Variants in TNKS observed in about 807,000 individuals in gnomAD.
TNKS encodes the protein poly [ADP-ribose] polymerase tankyrase-1.
In TNKS, 72 loss-of-function variants were observed where a neutral mutation model predicts 135.8. The ratio of observed to expected loss-of-function variants is 0.53; its 90% CI spans 0.44 to 0.64. TNKS has a LOEUF of 0.64. Among genes scored for constraint, TNKS ranks in the 30% least tolerant of loss-of-function variants. The probability of loss-of-function intolerance (pLI) is 0.00; values close to 1 mark genes in which losing one functional copy is unlikely to be tolerated. For missense variants in TNKS, 1,769 were observed against 1,674.0 expected (o/e 1.06, Z -0.99); for synonymous variants, 849 against 649.3 (o/e 1.31, Z -4.68).
In TNKS at chr8:9,555,993, C is replaced by G. The variant is rs755978151; in HGVS notation, c.54C>G (p.Leu18=). ...QHHHHHHQQQ[L]QPAPGASAPP... ...ATCACCACCATCATCAACAACAGCTCCAGCCCGCCCCAGGGGCTTCAGCGC... is the reference window on the plus strand; with the variant it reads ...ATCACCACCATCATCAACAACAGCTGCAGCCCGCCCCAGGGGCTTCAGCGC... The change falls in exon 1 of 27, where the codon CTC becomes CTG. Residue 18 remains leucine, a synonymous_variant. Transcript: ENST00000310430. 6 of 1,613,412 alleles carry G rather than the reference C, an allele frequency of 3.7e-6. No individual in the cohort carries two copies. The highest frequency in any genetic ancestry group is 3.3e-5 in the South Asian group (3 of 91,056).
chr8:9,768,999 A>G lies in TNKS; in HGVS notation c.3741-1107A>G, dbSNP rs533996878. Among the ~76,000 whole-genome samples, 3 of 152,368 alleles carry G rather than the reference A, an allele frequency of 2.0e-5. No individual in the cohort carries two copies. In the South Asian group the frequency reaches 6.2e-4, roughly 32 times the overall value. ...ACTAAAAACAATTTGACTGAATTGT[A>G]ACTGTTTACATTTAACAGTGTGATC... On this transcript the variant is annotated intron_variant, in intron 25 of 26. Transcript: ENST00000310430.
chr8:9,588,573 G>A (rs888879731), intron 2 of TNKS, among the ~76,000 whole-genome samples: 2 of 152,178 alleles, frequency 1.3e-5, no homozygotes, highest in African/African-American at 2.4e-5. Flanking sequence ...GCCGCGCCCG[G>A]CCCCAAATTG....
In TNKS at chr8:9,615,627, G is replaced by T. The variant is rs781467174; in HGVS notation, c.944G>T (p.Gly315Val). 1.9e-6 allele frequency: 3 copies of T among 1,613,638 alleles called. No individual in the cohort carries two copies. Among genetic ancestry groups the T allele is most frequent in the Non-Finnish European group, 2.5e-6 (3 of 1,179,824 alleles). ...GACCCAAACATTCGGAACACTGATG[G>T]GAAATCAGCCCTGGACCTGGCAGAT... Reference protein sequence around the residue: ...GADPNIRNTDGKSALDLADPS... With the variant: ...GADPNIRNTDVKSALDLADPS... The change falls in exon 3 of 27, where the codon GGG becomes GTG. Residue 315 changes from glycine (G) to valine (V), a missense_variant. Gly to Val is a moderately radical substitution (Grantham distance 109). Around this residue, in one of 5 missense-constraint regions of TNKS, gnomAD observed 523 missense variants for 541.0 expected, o/e 0.97. Coordinates refer to ENST00000310430, the MANE Select transcript of TNKS (RefSeq NM_003747.3).
chr8:9,709,268 A>T (rs1054346621), intron 9 of TNKS, among the ~76,000 whole-genome samples: 1 of 152,218 alleles, frequency 6.6e-6, no homozygotes, highest in African/African-American at 2.4e-5. Context: ...ATGTCTCTCA[A>T]ACTAGGGTTG....
chr8:9,685,829 T>G (rs1251290340), intron 5 of TNKS, among the ~76,000 whole-genome samples: 1 of 152,204 alleles, frequency 6.6e-6, no homozygotes, highest in Non-Finnish European at 1.5e-5. Flanking sequence ...TGGAATTCCA[T>G]AAACCCCATC....
At chr8:9,741,438 A>C (rs1805955446) in intron 17 of TNKS, among the ~76,000 whole-genome samples, 1 of 152,320 alleles carries the variant, frequency 6.6e-6, no homozygotes. Flanking sequence ...GTTCTACTCC[A>C]TTAGCCTTCA....
chr8:9,751,557 C>A lies in TNKS; in HGVS notation c.2833-52C>A, dbSNP rs1585416515. The A allele has an allele frequency of 2.6e-6, 4 of 1,518,972 alleles. No individual in the cohort carries two copies. The Admixed American group carries it at 5.7e-5, about 22-fold the overall frequency. The allele number at this position is 1,518,972 out of a possible 1,614,324, so 94.1% of individuals were successfully genotyped here. A position where few individuals can be genotyped will look rare whatever the true frequency, so the allele number is the denominator to read the frequency against. On this transcript the variant is annotated intron_variant, in intron 18 of 26. Coordinates refer to ENST00000310430, the MANE Select transcript of TNKS (RefSeq NM_003747.3). ...TATTTGGTTATCAGTGAAAAACTTA[C>A]CATTTTAATATATAGTATTTTCATG...
intron 2 of TNKS, among the ~76,000 whole-genome samples, chr8:9,601,281 A>T (rs541951189): frequency 6.6e-6 from 1 of 152,160 alleles, no homozygotes; most frequent in Non-Finnish European, 1.5e-5. Flanking sequence ...ATCTATTTAC[A>T]TATTTTTAAA....
At chr8:9,736,219 C>T (rs1421909312) in intron 17 of TNKS, among the ~76,000 whole-genome samples, 1 of 151,326 alleles carries the variant, frequency 6.6e-6, no homozygotes, top group Non-Finnish European at 1.5e-5. Flanking sequence ...ATCATCAGCA[C>T]CTTAAAAATA....
At chr8:9,767,606 C>T (rs1807535892) in intron 25 of TNKS, among the ~76,000 whole-genome samples, 1 of 152,222 alleles carries the variant, frequency 6.6e-6, no homozygotes, top group African/African-American at 2.4e-5. Context: ...CATTTGGAGT[C>T]GGATGTCATA....
At chr8:9,681,485 T>G (rs1452940926) in intron 5 of TNKS, among the ~76,000 whole-genome samples, 1 of 152,134 alleles carries the variant, frequency 6.6e-6, no homozygotes, top group Admixed American at 6.6e-5. Context: ...TTGCAGAGTT[T>G]TGTAGTGATT....
intron 2 of TNKS, among the ~76,000 whole-genome samples, chr8:9,598,476 C>T (rs964522056): frequency 3.3e-5 from 5 of 151,752 alleles, no homozygotes; most frequent in Non-Finnish European, 7.4e-5. Flanking sequence ...AACCTTGTAA[C>T]TAGTGATAAA....
chr8:9,606,422 A>G (rs1285728303), intron 2 of TNKS, among the ~76,000 whole-genome samples: 1 of 152,042 alleles, frequency 6.6e-6, no homozygotes, highest in East Asian at 1.9e-4. Flanking sequence ...GTCCTATTAT[A>G]TCTATATGTA....
intron 14 of TNKS, among the ~76,000 whole-genome samples, chr8:9,732,957 A>G (rs1217978962): frequency 6.6e-6 from 1 of 152,236 alleles, no homozygotes; most frequent in Non-Finnish European, 1.5e-5. Context: ...ACTTGCCTAA[A>G]TAAGCTAATT....
intron 22 of TNKS, among the ~76,000 whole-genome samples, chr8:9,763,462 G>C (rs1192047518): frequency 2.0e-5 from 3 of 152,088 alleles, no homozygotes; most frequent in African/African-American, 2.4e-5. Flanking sequence ...GGGCCCATCT[G>C]TCTTTTTATT....
At chr8:9,707,469 C>G (rs1158406002) in intron 8 of TNKS, among the ~76,000 whole-genome samples, 1 of 152,128 alleles carries the variant, frequency 6.6e-6, no homozygotes, top group Admixed American at 6.5e-5. Context: ...TGAGCCCTCC[C>G]CATTTCCCGA....
chr8:9,661,741 A>C (rs1801725103), intron 3 of TNKS, among the ~76,000 whole-genome samples: 3 of 152,220 alleles, frequency 2.0e-5, no homozygotes, highest in Non-Finnish European at 4.4e-5. Context: ...AATGGGATCT[A>C]ATTAAACTCA....
chr8:9,673,893 C>T (rs912217734), intron 3 of TNKS, among the ~76,000 whole-genome samples: 1 of 152,082 alleles, frequency 6.6e-6, no homozygotes, highest in Non-Finnish European at 1.5e-5. Context: ...AATGTTGTAA[C>T]AAGTCTATAA....
At chr8:9,765,587 A>C (rs1585438540) in intron 23 of TNKS, 105 bp from the exon 24 acceptor site, 1 of 889,546 alleles carries the variant, frequency 1.1e-6, no homozygotes, top group East Asian at 2.6e-5. Context: ...ATTATGTCTT[A>C]AGCAAAATAA....
Sources: gnomAD v4.1 joint callset for allele counts (sites outside exome capture counted in the v4.1 genomes callset) on GRCh38, gnomAD v4.1.1 for gene constraint, gnomAD v4.1.1 regional missense constraint, MANE v1.5 for transcripts, NCBI Gene and HGNC (gene_info 2026-07-23, HGNC 2026-07-21) for gene names.